The following PIK3R5 variants were observed in gnomAD, a reference collection of about 807,000 sequenced individuals.
PIK3R5 encodes the protein phosphoinositide 3-kinase regulatory subunit 5.
PIK3R5 carries 32 observed loss-of-function variants against 94.9 expected under a neutral mutation model. That is an observed-to-expected ratio of 0.34 (90% CI 0.25 to 0.45). PIK3R5 has a LOEUF of 0.45. Ranked by LOEUF, PIK3R5 falls within the 20% of genes least tolerant of loss-of-function variation. PIK3R5 has a pLI of 1.00. For synonymous variants in PIK3R5, 443 were observed against 479.4 expected, an observed-to-expected ratio of 0.92 and a Z score of 0.99; for missense variants, 853 against 1,144.6, an observed-to-expected ratio of 0.75 and a Z score of 3.68.
At chr17:8,913,979 G>A (rs1035192608) in intron 1 of PIK3R5, among the ~76,000 whole-genome samples, 1 of 152,188 alleles carries the variant, frequency 6.6e-6, no homozygotes, top group African/African-American at 2.4e-5. Flanking sequence ...CACCTGTGAT[G>A]AGGCCTCATC....
intron 1 of PIK3R5, among the ~76,000 whole-genome samples, chr17:8,957,287 C>T (rs2091480950): frequency 6.6e-6 from 1 of 152,218 alleles, no homozygotes; most frequent in African/African-American, 2.4e-5. Context: ...TCCCATTCCA[C>T]TGTTGACCTG....
rs1415761018 is a variant in PIK3R5, at chr17:8,909,849, G to A, written c.104-675C>T. ...GGTTCTGGTACCTATGAGTTGCAGG[G>A]AGGTTAGAACAGAGGCAGAAATTGC... On this transcript the variant is annotated intron_variant, in intron 2 of 18. Coordinates refer to ENST00000447110, the MANE Select transcript of PIK3R5 (RefSeq NM_001142633.3). The surrounding 1 kb of genome is among the most constrained non-coding windows in gnomAD (Gnocchi z 4.3). 3.3e-5 allele frequency among the ~76,000 whole-genome samples: 5 copies of A among 152,188 alleles called. No individual in the cohort carries two copies. Among genetic ancestry groups the A allele is most frequent in the Non-Finnish European group, 2.9e-5 (2 of 68,034 alleles).
Position 8,925,447 on chromosome 17 carries a change from A to G in PIK3R5, c.-13-13940T>C, listed in dbSNP as rs1465089092. Among the ~76,000 whole-genome samples, 1 of 130,964 alleles carries G rather than the reference A, an allele frequency of 7.6e-6. No homozygotes were observed. Among genetic ancestry groups the G allele is most frequent in the African/African-American group, 2.5e-5 (1 of 39,720 alleles). 85.9% of individuals were successfully genotyped at this position (130,964 alleles called of 152,430 possible). ...TAGTAGATGGAGAGATAGATAGTAG[A>G]TGGATAGATAGTAGATGGATGATAG... On this transcript the variant is annotated intron_variant, in intron 1 of 18. Coordinates refer to ENST00000447110, the MANE Select transcript of PIK3R5 (RefSeq NM_001142633.3). This position sits in a 1 kb window ranked among gnomAD's most constrained non-coding sequence, Gnocchi z 5.1.
intron 1 of PIK3R5, among the ~76,000 whole-genome samples, chr17:8,951,728 C>T (rs2091380554): frequency 6.6e-6 from 1 of 152,188 alleles, no homozygotes; most frequent in African/African-American, 2.4e-5. Context: ...GCTTAGGAGG[C>T]AAGCTTACTC....
chr17:8,885,295 C>T, intron 14 of PIK3R5, among the ~76,000 whole-genome samples: 1 of 151,590 alleles, frequency 6.6e-6, no homozygotes, highest in East Asian at 1.9e-4. Flanking sequence ...CCCCGCCTCC[C>T]CATGGCCTTG....
chr17:8,908,944 C>T (rs549662247), intron 3 of PIK3R5, 130 bp downstream of exon 3: 8 of 606,650 alleles, frequency 1.3e-5, no homozygotes, highest in African/African-American at 9.3e-5. Flanking sequence ...ACAAAACTCA[C>T]AGGTTCCCAG....
Position 8,909,240 on chromosome 17 carries a change from G to A in PIK3R5, c.104-66C>T, listed in dbSNP as rs2090469602. ...TTCCAGTCACACTCAGGCAGGGGCTGTAAAGAAGGGGCATTTATGCTGGAA... is the reference window on the plus strand; with the variant it reads ...TTCCAGTCACACTCAGGCAGGGGCTATAAAGAAGGGGCATTTATGCTGGAA... On this transcript the variant is annotated intron_variant, in intron 2 of 18. Coordinates refer to ENST00000447110, the MANE Select transcript of PIK3R5 (RefSeq NM_001142633.3). This position sits in a 1 kb window ranked among gnomAD's most constrained non-coding sequence, Gnocchi z 4.3. 2 of 907,994 alleles carry A rather than the reference G, an allele frequency of 2.2e-6. No homozygotes were observed. The highest frequency in any genetic ancestry group is 1.6e-5 in the African/African-American group (1 of 60,762). The allele number at this position is 907,994 out of a possible 1,614,324, so 56.2% of individuals were successfully genotyped here. A position where few individuals can be genotyped will look rare whatever the true frequency, so the allele number is the denominator to read the frequency against.
In PIK3R5 at chr17:8,882,997, A is replaced by C. The variant is rs2089717677; in HGVS notation, c.2206-1116T>G. The stretch of plus-strand genomic sequence containing the variant: ...GAGCTTCCAAGCCTCAGATATAATC[A>C]TGTCACAGGCATTCCCAGCCCCACC... On this transcript the variant is annotated intron_variant, in intron 15 of 18. Transcript: ENST00000447110. The surrounding 1 kb of genome is among the most constrained non-coding windows in gnomAD (Gnocchi z 4.1). Among the ~76,000 whole-genome samples, 1 of 152,224 alleles carries C rather than the reference A, an allele frequency of 6.6e-6. No homozygotes were observed. The highest frequency in any genetic ancestry group is 2.4e-5 in the African/African-American group (1 of 41,458).
At chr17:8,936,412 A>G (rs962928136) in intron 1 of PIK3R5, among the ~76,000 whole-genome samples, 3 of 152,138 alleles carry the variant, frequency 2.0e-5, no homozygotes, top group African/African-American at 4.8e-5. Flanking sequence ...TACTCCATCT[A>G]TTCATCCTAC....
intron 1 of PIK3R5, among the ~76,000 whole-genome samples, chr17:8,918,696 T>G (rs1597402755): frequency 6.6e-6 from 1 of 152,138 alleles, no homozygotes; most frequent in Non-Finnish European, 1.5e-5. Flanking sequence ...AATAGGATAT[T>G]TGTATAGCCT....
Position 8,880,957 on chromosome 17 carries a change from A to C in PIK3R5, c.2443T>G (p.Phe815Val). 1 of 1,614,020 alleles carries C rather than the reference A, an allele frequency of 6.2e-7. No individual in the cohort carries two copies. Reference sequence around the variant, plus strand: ...TCATCCTGGTCCAGGCACACAGCAAAGGGGCAGCTGTTGGAGCCGATGATC... The same window carrying C: ...TCATCCTGGTCCAGGCACACAGCAACGGGGCAGCTGTTGGAGCCGATGATC... ...VQIIGSNSCP[F>V]AVCLDQDERK... The change falls in exon 18 of 19, where the codon TTT (phenylalanine) becomes GTT (valine). Residue 815 changes from phenylalanine to valine, a missense_variant. Phe to Val is a conservative substitution (Grantham distance 50). This residue lies in a region of PIK3R5 where 91 missense variants were observed against 90.5 expected (regional missense o/e 1.01). Transcript: ENST00000447110.
intron 1 of PIK3R5, among the ~76,000 whole-genome samples, chr17:8,931,663 G>C (rs1243555886): frequency 6.6e-6 from 1 of 152,190 alleles, no homozygotes; most frequent in African/African-American, 2.4e-5. Flanking sequence ...TGAAAAAGAA[G>C]AGCTCAAGAA....
intron 15 of PIK3R5, among the ~76,000 whole-genome samples, chr17:8,883,349 CA>C (rs2089727693): frequency 6.6e-6 from 1 of 152,196 alleles, no homozygotes; most frequent in Non-Finnish European, 1.5e-5. Context: ...GCCTGAGAAA[CA>C]GGGCGAGACT....
In PIK3R5 at chr17:8,881,677, C is replaced by G. The variant is rs1364696569; in HGVS notation, c.2335G>C (p.Glu779Gln). The change falls in exon 17 of 19, where the codon GAA (glutamate) becomes CAA (glutamine). Residue 779 changes from glutamate (E) to glutamine (Q), a missense_variant. Transcript: ENST00000447110. This position sits in a 1 kb window ranked among gnomAD's most constrained non-coding sequence, Gnocchi z 4.8. The part of the protein sequence containing the change: ...SMEALTLNLT[E>Q]VVKRQNSKSK... ...TTGGAGTTCTGCCTTTTCACCACTT[C>G]TGTCAGGTTTAGCGTCAGGGCCTCC... is the stretch of plus-strand genomic sequence containing the variant. The G allele has an allele frequency of 6.2e-7, 1 of 1,613,918 alleles. No homozygotes were observed. Among genetic ancestry groups the G allele is most frequent in the Non-Finnish European group, 8.5e-7 (1 of 1,179,906 alleles).
chr17:8,929,945 AC>A (rs1310670450), intron 1 of PIK3R5, among the ~76,000 whole-genome samples: 1 of 152,200 alleles, frequency 6.6e-6, no homozygotes, highest in Non-Finnish European at 1.5e-5. Flanking sequence ...AACCACCTGT[AC>A]CCCAAAAGCG....
rs868678020 is a variant in PIK3R5 at position 8,948,073 on chromosome 17, A to C, written c.-14+17523T>G. 5.9e-3 allele frequency among the ~76,000 whole-genome samples: 880 copies of C among 148,148 alleles called. 16 individuals are homozygous for C. The highest frequency in any genetic ancestry group is 0.019 in the African/African-American group (748 of 38,464). ...AAAAAAAAAAAAAAAAAAAGAAAAG[A>C]AAAGAAAAGAAAAAGAAAAATGCAG... On this transcript the variant is annotated intron_variant, in intron 1 of 18. Transcript: ENST00000447110.
chr17:8,915,354 G>A (rs2090608317), intron 1 of PIK3R5, among the ~76,000 whole-genome samples: 1 of 151,720 alleles, frequency 6.6e-6, no homozygotes, highest in Non-Finnish European at 1.5e-5. Flanking sequence ...AACCCGGGAG[G>A]TGGAGGTTGC....
rs992807952 is a variant in PIK3R5, at chr17:8,889,737, G to C, written c.811+236C>G. On this transcript the variant is annotated intron_variant, in intron 8 of 18. Coordinates refer to ENST00000447110, the MANE Select transcript of PIK3R5 (RefSeq NM_001142633.3). The surrounding 1 kb of genome is among the most constrained non-coding windows in gnomAD (Gnocchi z 4.1). ...ACAGAAAAGCCCAGCCTTTGCCCTCGTAAGCACTCTCTTTTCCTCTTCCCA... is the reference window on the plus strand; with the variant it reads ...ACAGAAAAGCCCAGCCTTTGCCCTCCTAAGCACTCTCTTTTCCTCTTCCCA... Among the ~76,000 whole-genome samples, 1 of 152,048 alleles carries C rather than the reference G, an allele frequency of 6.6e-6. No homozygotes were observed. The highest frequency in any genetic ancestry group is 1.5e-5 in the Non-Finnish European group (1 of 67,990).
intron 1 of PIK3R5, among the ~76,000 whole-genome samples, chr17:8,946,691 C>T (rs563791089): frequency 2.0e-5 from 3 of 152,244 alleles, no homozygotes; most frequent in Non-Finnish European, 2.9e-5. Flanking sequence ...GCATGTGCCC[C>T]GCCATGTTCT....
Sources: gnomAD v4.1 joint callset for allele counts (sites outside exome capture counted in the v4.1 genomes callset) on GRCh38, gnomAD v4.1.1 for gene constraint, gnomAD v4.1.1 regional missense constraint, Gnocchi (gnomAD v3.1) non-coding constraint, MANE v1.5 for transcripts, NCBI Gene and HGNC (gene_info 2026-07-23, HGNC 2026-07-21) for gene names.